The following PARVB variants were observed in gnomAD, a reference collection of about 807,000 sequenced individuals.
PARVB encodes the protein parvin beta, also known as beta-parvin.
PARVB carries 46 observed loss-of-function variants against 47.0 expected under a neutral mutation model. The observed-to-expected ratio is 0.98, with a 90% confidence interval of 0.77 to 1.25. The LOEUF (loss-of-function observed/expected upper bound fraction) is 1.25. PARVB is among the 50% of genes most tolerant of loss of function. The pLI, the probability that PARVB is intolerant of heterozygous loss-of-function variation, is 0.00. For missense variants in PARVB, 473 were observed against 471.6 expected, an observed-to-expected ratio of 1.00 and a Z score of -0.03; for synonymous variants, 196 against 196.3, an observed-to-expected ratio of 1.00 and a Z score of 0.01.
At chr22:44,094,899 TC>T (rs1439742102) in intron 2 of PARVB, among the ~76,000 whole-genome samples, 3 of 151,558 alleles carry the variant, frequency 2.0e-5, no homozygotes, top group African/African-American at 7.3e-5. Flanking sequence ...GCAGGAGCTG[TC>T]CTGAGTCTTC....
intron 3 of PARVB, chr22:44,115,676 G>C (rs1288692998): frequency 6.5e-5 from 3 of 45,996 alleles, no homozygotes. Context: ...TTGTTACTAA[G>C]TAAGGCCCTG....
chr22:44,043,486 C>T (rs1202644946), intron 1 of PARVB, among the ~76,000 whole-genome samples: 1 of 152,144 alleles, frequency 6.6e-6, no homozygotes, highest in African/African-American at 2.4e-5. Context: ...TCACGCCATT[C>T]TCCTCCTTGG....
rs1311940218 is a variant in PARVB at position 44,131,584 on chromosome 22, C to A, written c.474C>A (p.Asp158Glu). Residue 158 changes from aspartate to glutamate, a missense_variant, in exon 5 of 13, where the codon GAC (aspartate) becomes GAA (glutamate). By Grantham distance (45) the Asp-to-Glu change is conservative. Transcript: ENST00000338758. ...KLQTVLEAVH[D>E]LLRPRGWALR... ...AGACGGTGCTGGAAGCAGTACATGACCTGCTGCGGCCCCGAGGCTGGGCGC... is the reference window on the plus strand; with the variant it reads ...AGACGGTGCTGGAAGCAGTACATGAACTGCTGCGGCCCCGAGGCTGGGCGC... 2.5e-6 allele frequency: 4 copies of A among 1,613,974 alleles called. No homozygotes were observed. The highest frequency in any genetic ancestry group is 3.3e-5 in the Admixed American group (2 of 59,994).
intron 1 of PARVB, among the ~76,000 whole-genome samples, chr22:44,074,840 C>T (rs1220565260): frequency 1.3e-5 from 2 of 152,236 alleles, no homozygotes; most frequent in Non-Finnish European, 2.9e-5. Flanking sequence ...TCCCCTGCCC[C>T]TGGGCCCTTC....
chr22:44,048,441 G>A (rs1300994015), intron 1 of PARVB, among the ~76,000 whole-genome samples: 3 of 151,058 alleles, frequency 2.0e-5, no homozygotes, highest in Middle Eastern at 3.2e-3. Flanking sequence ...GCGTGATCTC[G>A]GCTCACTGCA....
At chr22:44,129,391 T>G (rs1044629808) in intron 4 of PARVB, among the ~76,000 whole-genome samples, 3 of 152,096 alleles carry the variant, frequency 2.0e-5, no homozygotes, top group Non-Finnish European at 4.4e-5. Context: ...GACAAACGAA[T>G]CCAGTGTCCT....
At chr22:44,126,338 C>T (rs1216818700) in intron 4 of PARVB, among the ~76,000 whole-genome samples, 1 of 152,164 alleles carries the variant, frequency 6.6e-6, no homozygotes, top group Non-Finnish European at 1.5e-5. Flanking sequence ...TCATAATTAT[C>T]ACAATTTTAT....
intron 1 of PARVB, among the ~76,000 whole-genome samples, chr22:44,079,064 A>G (rs1419170533): frequency 3.9e-5 from 6 of 152,180 alleles, no homozygotes; most frequent in Non-Finnish European, 7.4e-5. Context: ...AGTAGAGAGA[A>G]TGGTAGAGTC....
intron 1 of PARVB, among the ~76,000 whole-genome samples, chr22:44,079,270 A>G (rs569845049): frequency 1.3e-5 from 2 of 152,318 alleles, no homozygotes; most frequent in South Asian, 4.1e-4. Context: ...AATGACGTCC[A>G]TGCAGAAGAG....
At chr22:44,136,640 C>G (rs1046991455) in intron 7 of PARVB, 122 bp downstream of exon 7, 1 of 767,646 alleles carries the variant, frequency 1.3e-6, no homozygotes, top group Non-Finnish European at 2.3e-6. Flanking sequence ...CACCCCTTCT[C>G]TGTAGCATGT....
At chr22:44,020,240 G>C (rs1292626719), upstream of PARVB, among the ~76,000 whole-genome samples, 3 of 150,450 alleles carry the variant, frequency 2.0e-5, no homozygotes, top group Non-Finnish European at 1.5e-5. Context: ...ACAGTGGCAT[G>C]ATCATGGCTC....
chr22:43,999,795 G>C, intron 2 of PARVB: 1 of 431,962 alleles, frequency 2.3e-6, no homozygotes, highest in Non-Finnish European at 4.4e-6. Flanking sequence ...CCAGGAATTT[G>C]AGACTACTCT....
At chr22:44,083,663 G>T (rs2051959275) in intron 1 of PARVB, among the ~76,000 whole-genome samples, 1 of 152,144 alleles carries the variant, frequency 6.6e-6, no homozygotes, top group African/African-American at 2.4e-5. Flanking sequence ...ACCTACAGAA[G>T]TGGCCTGGAA....
intron 5 of PARVB, among the ~76,000 whole-genome samples, chr22:44,132,588 C>A (rs1308726097): frequency 6.6e-6 from 1 of 152,172 alleles, no homozygotes; most frequent in Non-Finnish European, 1.5e-5. Flanking sequence ...ATGCTCTTTT[C>A]CCTTCTGTGC....
In PARVB at chr22:44,084,349, C is replaced by T. The variant is rs550008257; in HGVS notation, c.113-9579C>T. On this transcript the variant is annotated intron_variant, in intron 1 of 12. Transcript: ENST00000338758. ...GAGGGGTGGCTCTCTCTGAGGGAGGCTGAGTCTTGTTTGCCTGAAAGGATC... is the reference window on the plus strand; with the variant it reads ...GAGGGGTGGCTCTCTCTGAGGGAGGTTGAGTCTTGTTTGCCTGAAAGGATC... Among the ~76,000 whole-genome samples, 3 of 152,188 alleles carry T rather than the reference C, an allele frequency of 2.0e-5. No homozygotes were observed. The South Asian group carries it at 6.2e-4, about 32-fold the overall frequency.
chr22:44,066,157 A>G (rs1457942879), intron 1 of PARVB, among the ~76,000 whole-genome samples: 1 of 152,152 alleles, frequency 6.6e-6, no homozygotes, highest in African/African-American at 2.4e-5. Flanking sequence ...GGTGGAATCT[A>G]CCACTTCTTA....
At chr22:44,044,269 T>A (rs2051074296) in intron 1 of PARVB, among the ~76,000 whole-genome samples, 1 of 150,296 alleles carries the variant, frequency 6.7e-6, no homozygotes, top group Non-Finnish European at 1.5e-5. Context: ...CGGCTCACTG[T>A]AAGCTCTGCC....
chr22:44,073,356 T>C (rs541387803), intron 1 of PARVB, among the ~76,000 whole-genome samples: 1 of 152,196 alleles, frequency 6.6e-6, no homozygotes, highest in South Asian at 2.1e-4. Context: ...TAGCTGGGCG[T>C]GGCGGTGCAT....
chr22:44,039,580 ACT>A (rs564892491), intron 1 of PARVB, among the ~76,000 whole-genome samples: 127 of 151,926 alleles, frequency 8.4e-4, no homozygotes, highest in African/African-American at 2.8e-3. Flanking sequence ...CTGTAAGAAG[ACT>A]CTTGTACAGG....
Sources: gnomAD v4.1 joint callset for allele counts (sites outside exome capture counted in the v4.1 genomes callset) on GRCh38, gnomAD v4.1.1 for gene constraint, MANE v1.5 for transcripts, NCBI Gene and HGNC (gene_info 2026-07-23, HGNC 2026-07-21) for gene names.